The following SDF4 variants were observed in gnomAD, a reference collection of about 807,000 sequenced individuals.
The protein encoded by SDF4 is 45 kDa calcium-binding protein.
In SDF4, 22 loss-of-function variants were observed where a neutral mutation model predicts 34.2. The observed-to-expected ratio is 0.64, with a 90% CI of 0.46 to 0.92. The LOEUF (loss-of-function observed/expected upper bound fraction) is 0.92. Among genes scored for constraint, SDF4 ranks in the 40% least tolerant of loss-of-function variants. SDF4 has a pLI of 0.00. For missense variants in SDF4, 447 were observed against 499.9 expected (o/e 0.89, Z 1.01); for synonymous variants, 236 against 203.1 (o/e 1.16, Z -1.38).
intron 2 of SDF4, among the ~76,000 whole-genome samples, chr1:1,225,951 C>T (rs1638290301): frequency 2.0e-5 from 3 of 152,236 alleles, no homozygotes; most frequent in African/African-American, 7.2e-5. Context: ...GGAGCTGGCA[C>T]GCACACACGC....
At chr1:1,225,026 G>C (rs548594598) in intron 2 of SDF4, among the ~76,000 whole-genome samples, 1 of 152,244 alleles carries the variant, frequency 6.6e-6, no homozygotes, top group Non-Finnish European at 1.5e-5. Context: ...AGACTTGGGG[G>C]ATAGGGACAC....
At chr1:1,226,363 C>A (rs138773558) in intron 2 of SDF4, among the ~76,000 whole-genome samples, 1,578 of 120,498 alleles carry the variant, frequency 0.013, 27 homozygotes, top group African/African-American at 0.05. Context: ...AAACATGGCA[C>A]CTCCCCTCTG....
intron 2 of SDF4, among the ~76,000 whole-genome samples, chr1:1,224,574 C>T (rs1231212965): frequency 1.3e-5 from 2 of 152,180 alleles, no homozygotes; most frequent in Admixed American, 6.5e-5. Flanking sequence ...CCACTGGGCC[C>T]GGCCCATGTT....
intron 3 of SDF4, 63 bp downstream of exon 3, chr1:1,223,769 G>T: frequency 7.9e-7 from 1 of 1,266,382 alleles, no homozygotes; most frequent in Non-Finnish European, 1.1e-6. Flanking sequence ...CAGGCACCAG[G>T]CAAGGCCCAT....
At position 1,218,153 on chromosome 1, in the gene SDF4, G is replaced by T. The variant is rs1649646060; in HGVS notation, c.891+305C>A. Among the ~76,000 whole-genome samples the T allele has an allele frequency of 6.6e-6, 1 of 152,190 alleles. No individual in the cohort carries two copies. Among genetic ancestry groups the T allele is most frequent in the Non-Finnish European group, 1.5e-5 (1 of 68,028 alleles). On this transcript the variant is annotated intron_variant, in intron 6 of 6. Transcript: ENST00000360001. The surrounding 1 kb of genome is among the most constrained non-coding windows in gnomAD (Gnocchi z 7.9). ...GGGCCTTGGACCTGCCTCCATGCTG[G>T]GCCCAGCATGAGCTTCCCCTTGTGG...
Position 1,228,476 on chromosome 1 carries a change from G to A in SDF4, c.297C>T (p.Ile99=). The change falls in exon 2 of 7, where the codon ATC becomes ATT. Residue 99 remains isoleucine, a synonymous_variant. Coordinates refer to ENST00000360001, the MANE Select transcript of SDF4 (RefSeq NM_016176.6). The part of the protein sequence containing the change: ...PRRSRRKLMV[I]FSKVDVNTDR... ...CACATGGCGGCACCTACTTGGAAAA[G>A]ATGACCATCAGCTTCCTCCGGCTCC... 8 of 1,603,230 alleles carry A rather than the reference G, an allele frequency of 5.0e-6. No individual in the cohort carries two copies. The highest frequency in any genetic ancestry group is 1.1e-5 in the South Asian group (1 of 90,340).
At chr1:1,231,144 C>T (rs1434056327) in intron 1 of SDF4, among the ~76,000 whole-genome samples, 1 of 152,214 alleles carries the variant, frequency 6.6e-6, no homozygotes, top group Non-Finnish European at 1.5e-5. Context: ...TATCAGGAGT[C>T]CATCAAGTGG....
chr1:1,219,429 C>T, intron 4 of SDF4: 1 of 1,015,438 alleles, frequency 9.8e-7, no homozygotes. Flanking sequence ...CGCGCCTGCC[C>T]CTCTGGAGGA....
intron 2 of SDF4, among the ~76,000 whole-genome samples, chr1:1,227,724 G>A (rs566801974): frequency 4.6e-5 from 7 of 152,328 alleles, no homozygotes; most frequent in South Asian, 4.1e-4. Flanking sequence ...TAAGGCGCCC[G>A]TGCAGGACCT....
At chr1:1,224,680 A>G (rs1356355794) in intron 2 of SDF4, among the ~76,000 whole-genome samples, 1 of 152,220 alleles carries the variant, frequency 6.6e-6, no homozygotes, top group East Asian at 1.9e-4. Flanking sequence ...GGAGGCTAAG[A>G]CAGGTGGATC....
chr1:1,227,981 G>A (rs1260717234), intron 2 of SDF4, among the ~76,000 whole-genome samples: 1 of 152,218 alleles, frequency 6.6e-6, no homozygotes, highest in Non-Finnish European at 1.5e-5. Context: ...GTGATACGCG[G>A]CCCGTGTGTG....
chr1:1,226,936 G>T (rs3766187), intron 2 of SDF4, among the ~76,000 whole-genome samples: 15,275 of 152,184 alleles, frequency 0.1, 866 homozygotes, highest in East Asian at 0.17. Flanking sequence ...CAGGCCCCAG[G>T]GGCACCAGCA....
At chr1:1,223,405 C>A in intron 3 of SDF4, 48 bp from the exon 4 acceptor site, 1 of 1,326,974 alleles carries the variant, frequency 7.5e-7, no homozygotes, top group Non-Finnish European at 1.1e-6. Flanking sequence ...CTGAGCTGAA[C>A]TTCCTTCTCA....
Position 1,231,098 on chromosome 1 carries a change from A to G in SDF4, c.-175+794T>C, listed in dbSNP as rs185750888. On this transcript the variant is annotated intron_variant, in intron 1 of 6. Transcript: ENST00000360001. ...AAAAGATAAGACCCTGTCTCGAAAAAGGGGGAATAAAAAGTAACCCAAAAG... is the reference window on the plus strand; with the variant it reads ...AAAAGATAAGACCCTGTCTCGAAAAGGGGGGAATAAAAAGTAACCCAAAAG... Among the ~76,000 whole-genome samples the G allele has an allele frequency of 1.3e-3, 196 of 152,366 alleles. 2 individuals carry two copies. The highest frequency in any genetic ancestry group is 4.4e-3 in the African/African-American group (183 of 41,594).
intron 1 of SDF4, among the ~76,000 whole-genome samples, chr1:1,229,184 C>T (rs116359778): frequency 0.026 from 4,024 of 152,212 alleles, 186 homozygotes; most frequent in African/African-American, 0.092. Context: ...CCGGACCACA[C>T]GTGGTGTTTT....
intron 2 of SDF4, among the ~76,000 whole-genome samples, chr1:1,226,460 CTA>C (rs1403340439): frequency 1.3e-5 from 2 of 152,234 alleles, no homozygotes; most frequent in Non-Finnish European, 2.9e-5. Flanking sequence ...CTAAAACCTC[CTA>C]CCCAGCCCTT....
intron 4 of SDF4, chr1:1,219,458 C>G: frequency 9.9e-7 from 1 of 1,006,232 alleles, no homozygotes; most frequent in Non-Finnish European, 1.2e-6. Flanking sequence ...ACCCTGAAGG[C>G]TGACGTGCGC....
chr1:1,217,823 G>T lies in SDF4; in HGVS notation c.892-135C>A. The T allele has an allele frequency of 6.5e-7, 1 of 1,549,308 alleles. No individual in the cohort carries two copies. The highest frequency in any genetic ancestry group is 8.7e-7 in the Non-Finnish European group (1 of 1,151,808). On this transcript the variant is annotated intron_variant, in intron 6 of 6. Transcript: ENST00000360001. The surrounding 1 kb of genome is among the most constrained non-coding windows in gnomAD (Gnocchi z 8.5). ...GCACGTTCTGGAAGGTTCCCGAAGG[G>T]AGGCGGCACAAATGAAAACACAGGG...
intron 3 of SDF4, 61 bp from the exon 4 acceptor site, chr1:1,223,418 T>G: frequency 8.4e-7 from 1 of 1,197,092 alleles, no homozygotes; most frequent in South Asian, 1.4e-5. Context: ...CCTTCTCAAC[T>G]GAGATGGGGT....
Sources: gnomAD v4.1 joint callset for allele counts (sites outside exome capture counted in the v4.1 genomes callset) on GRCh38, gnomAD v4.1.1 for gene constraint, Gnocchi (gnomAD v3.1) non-coding constraint, MANE v1.5 for transcripts, NCBI Gene and HGNC (gene_info 2026-07-23, HGNC 2026-07-21) for gene names.